The following ZNF423 variants were observed in gnomAD, a reference collection of about 807,000 sequenced individuals.
ZNF423 encodes zinc finger protein 423, also known as Ebf-associated zinc finger protein.
A neutral mutation model predicts 95.8 loss-of-function variants in ZNF423; 12 were observed. The observed-to-expected ratio is 0.13, with a 90% CI of 0.08 to 0.20. The LOEUF (loss-of-function observed/expected upper bound fraction) is 0.20. ZNF423 is among the 10% of genes least tolerant of loss of function. ZNF423 has a pLI of 1.00. For synonymous variants in ZNF423, 749 were observed against 711.9 expected, an observed-to-expected ratio of 1.05 and a Z score of -0.83; for missense variants, 1,316 against 1,737.1, an observed-to-expected ratio of 0.76 and a Z score of 4.31.
At chr16:49,783,659 G>C (rs936141670) in intron 2 of ZNF423, among the ~76,000 whole-genome samples, 15 of 151,816 alleles carry the variant, frequency 9.9e-5, no homozygotes, top group African/African-American at 3.6e-4. Context: ...CTAGTGCCAG[G>C]CTGTGATGCG....
chr16:49,637,474 T>A lies in ZNF423; in HGVS notation c.1702A>T (p.Met568Leu), dbSNP rs2151884770. The A allele has an allele frequency of 6.2e-6, 10 of 1,613,964 alleles. No homozygotes were observed. The highest frequency in any genetic ancestry group is 8.5e-6 in the Non-Finnish European group (10 of 1,179,990). The change falls in exon 4 of 8, where the codon ATG becomes TTG. Residue 568 changes from methionine to leucine, a missense_variant. Transcript: ENST00000563137. This position sits in a 1 kb window ranked among gnomAD's most constrained non-coding sequence, Gnocchi z 5.6. ...SPVVQPTQSF[M>L]EVYSCPYCTN... ...CAGTAGGGGCAGGAATAGACCTCCA[T>A]GAAGGACTGCGTGGGCTGCACCACC...
At position 49,636,807 on chromosome 16, in the gene ZNF423, T is replaced by C. The variant is rs1381535056; in HGVS notation, c.2369A>G (p.Lys790Arg). ...GAAGGTCTCCCCACAGAAGATGCACTTGTGAGCCTTGGCCGGGTTGCCCAG... is the reference window on the plus strand; with the variant it reads ...GAAGGTCTCCCCACAGAAGATGCACCTGTGAGCCTTGGCCGGGTTGCCCAG... ...SHLGNPAKAH[K>R]CIFCGETFST... is the part of the protein sequence containing the mutation. The change falls in exon 4 of 8, where the codon AAG becomes AGG. Residue 790 changes from lysine (K) to arginine (R), a missense_variant. Lys to Arg is a conservative substitution (Grantham distance 26). This residue lies in a region of ZNF423 where 620 missense variants were observed against 775.6 expected (regional missense o/e 0.80). Coordinates refer to ENST00000563137, the MANE Select transcript of ZNF423 (RefSeq NM_001379286.1). This position sits in a 1 kb window ranked among gnomAD's most constrained non-coding sequence, Gnocchi z 8.6. The C allele has an allele frequency of 6.2e-7, 1 of 1,614,076 alleles. No individual in the cohort carries two copies. The highest frequency in any genetic ancestry group is 8.5e-7 in the Non-Finnish European group (1 of 1,180,016).
intron 5 of ZNF423, among the ~76,000 whole-genome samples, chr16:49,607,704 A>C (rs1232527246): frequency 6.6e-6 from 1 of 152,268 alleles, no homozygotes; most frequent in Admixed American, 6.5e-5. Context: ...TCATGTTGAC[A>C]ATTTGCATTT....
chr16:49,495,272 C>G (rs936759366), intron 7 of ZNF423, among the ~76,000 whole-genome samples: 3 of 152,204 alleles, frequency 2.0e-5, no homozygotes, highest in Non-Finnish European at 4.4e-5. Context: ...TCTGGTACAG[C>G]CTGTTTTGGG....
Position 49,689,200 on chromosome 16 carries a change from G to A in ZNF423, c.301+41571C>T, listed in dbSNP as rs113485620. 3.6e-3 allele frequency among the ~76,000 whole-genome samples: 540 copies of A among 152,038 alleles called. 4 individuals carry two copies. The highest frequency in any genetic ancestry group is 3.1e-3 in the Non-Finnish European group (211 of 68,000). ...CTCATGCCTGTAATCCCAGCACTTT[G>A]GGAGGTCAATGCAGGAGGATGGCTT... On this transcript the variant is annotated intron_variant, in intron 3 of 7. Coordinates refer to ENST00000563137, the MANE Select transcript of ZNF423 (RefSeq NM_001379286.1).
chr16:49,682,467 G>A (rs76815197), intron 3 of ZNF423, among the ~76,000 whole-genome samples: 2,693 of 152,314 alleles, frequency 0.018, 91 homozygotes, highest in African/African-American at 0.062. Flanking sequence ...CAATGCCAGG[G>A]TCTGGAGCAG....
At chr16:49,508,550 T>C in intron 7 of ZNF423, among the ~76,000 whole-genome samples, 1 of 140,560 alleles carries the variant, frequency 7.1e-6, no homozygotes, top group African/African-American at 2.6e-5. Flanking sequence ...GAAAATAGAA[T>C]ATAGAGAACC....
intron 3 of ZNF423, among the ~76,000 whole-genome samples, chr16:49,647,489 G>C (rs151145889): frequency 1.0e-3 from 157 of 152,290 alleles, no homozygotes; most frequent in African/African-American, 3.6e-3. Context: ...TTAAAATAAA[G>C]AGATTATCCT....
chr16:49,775,331 A>C (rs1406340396), intron 2 of ZNF423, among the ~76,000 whole-genome samples: 1 of 152,116 alleles, frequency 6.6e-6, no homozygotes. Context: ...CTTTGATTCT[A>C]TTTCTCTTTG....
intron 3 of ZNF423, among the ~76,000 whole-genome samples, chr16:49,643,929 G>T (rs527610220): frequency 9.2e-5 from 14 of 152,336 alleles, no homozygotes; most frequent in African/African-American, 3.4e-4. Flanking sequence ...AGCTCATGTG[G>T]TCACACTTGG....
At chr16:49,545,824 C>A (rs1056722605) in intron 5 of ZNF423, among the ~76,000 whole-genome samples, 3 of 152,152 alleles carry the variant, frequency 2.0e-5, no homozygotes, top group Non-Finnish European at 4.4e-5. Context: ...TAACTACCTG[C>A]CAGGCATTCA....
At chr16:49,679,989 C>G (rs963421957) in intron 3 of ZNF423, among the ~76,000 whole-genome samples, 1 of 152,186 alleles carries the variant, frequency 6.6e-6, no homozygotes. Flanking sequence ...CCTGACTCTT[C>G]AGGACAACCT....
intron 4 of ZNF423, among the ~76,000 whole-genome samples, chr16:49,633,798 G>A (rs1384028676): frequency 6.6e-6 from 1 of 152,182 alleles, no homozygotes; most frequent in African/African-American, 2.4e-5. Flanking sequence ...CTGAGAGGGT[G>A]GGGTACTGCT....
intron 5 of ZNF423, among the ~76,000 whole-genome samples, chr16:49,582,328 T>G (rs1319204678): frequency 6.6e-6 from 1 of 152,266 alleles, no homozygotes; most frequent in Non-Finnish European, 1.5e-5. Context: ...TCAAAACCTG[T>G]TATAAAATGT....
chr16:49,585,007 C>T (rs7191293), intron 5 of ZNF423, among the ~76,000 whole-genome samples: 81,501 of 151,880 alleles, frequency 0.54, 22,108 homozygotes, highest in East Asian at 0.77. Context: ...GCACCAGGCT[C>T]CTCTAAGCAC....
intron 7 of ZNF423, among the ~76,000 whole-genome samples, chr16:49,508,028 T>A (rs1164449589): frequency 6.6e-6 from 1 of 152,188 alleles, no homozygotes; most frequent in Non-Finnish European, 1.5e-5. Flanking sequence ...CCGGGGCTGG[T>A]GGCCTGGGTC....
chr16:49,548,123 CT>C (rs1308356303), intron 5 of ZNF423, among the ~76,000 whole-genome samples: 1 of 152,208 alleles, frequency 6.6e-6, no homozygotes, highest in Admixed American at 6.5e-5. Context: ...CCACTGTCCT[CT>C]TAAGGAAAAA....
At chr16:49,560,435 C>T (rs1294657061) in intron 5 of ZNF423, among the ~76,000 whole-genome samples, 4 of 152,152 alleles carry the variant, frequency 2.6e-5, no homozygotes, top group Non-Finnish European at 4.4e-5. Flanking sequence ...GCCAGCTCTG[C>T]GGTTGGGCTG....
rs558038500 is a variant in ZNF423 at position 49,833,814 on chromosome 16, CA to C, written c.40+21920del. On this transcript the variant is annotated intron_variant, in intron 1 of 7. Transcript: ENST00000563137. ...TGGGAAGGGAGGAGGGGAGCATGTG[CA>C]GGGGGGCAGCAGGGCTGGGTGGGCA... is the stretch of plus-strand genomic sequence containing the variant. Among the ~76,000 whole-genome samples the C allele has an allele frequency of 5.2e-4, 65 of 126,052 alleles. 2 individuals carry two copies. Among genetic ancestry groups the C allele is most frequent in the African/African-American group, 1.6e-3 (55 of 33,912 alleles). The allele number at this position is 126,052 out of a possible 152,430, so 82.7% of individuals were successfully genotyped here. A position where few individuals can be genotyped will look rare whatever the true frequency, so the allele number is the denominator to read the frequency against.
Sources: allele counts gnomAD v4.1 joint callset (sites outside exome capture counted in the v4.1 genomes callset), GRCh38; gene constraint gnomAD v4.1.1; regional missense constraint gnomAD v4.1.1; non-coding constraint Gnocchi (gnomAD v3.1); transcripts MANE v1.5; gene names NCBI Gene and HGNC (gene_info 2026-07-23, HGNC 2026-07-21).